Variants in NTM observed in about 807,000 individuals in gnomAD.
The protein encoded by NTM is neurotrimin, also known as IgLON family member 2.
NTM carries 13 observed loss-of-function variants against 42.1 expected under a neutral mutation model. The ratio of observed to expected loss-of-function variants is 0.31; its 90% CI spans 0.20 to 0.49. The LOEUF (loss-of-function observed/expected upper bound fraction) is 0.49. Ranked by LOEUF, NTM falls within the 20% of genes least tolerant of loss-of-function variation. The pLI, the probability that NTM is intolerant of heterozygous loss-of-function variation, is 0.99. For synonymous variants in NTM, 187 were observed against 179.2 expected, an observed-to-expected ratio of 1.04 and a Z score of -0.35; for missense variants, 373 against 452.8, an observed-to-expected ratio of 0.82 and a Z score of 1.60.
At chr11:131,424,376 A>G (rs1194760627) in intron 1 of NTM, among the ~76,000 whole-genome samples, 1 of 152,014 alleles carries the variant, frequency 6.6e-6, no homozygotes, top group Non-Finnish European at 1.5e-5. Context: ...TCTGTACTGC[A>G]AAGTCTGTGC....
intron 1 of NTM, among the ~76,000 whole-genome samples, chr11:131,875,712 G>A (rs1382234098): frequency 6.6e-6 from 1 of 152,196 alleles, no homozygotes; most frequent in East Asian, 1.9e-4. Context: ...TGGTAATGAC[G>A]ACATTGAAAA....
At chr11:132,099,051 C>G (rs1412480449) in intron 2 of NTM, among the ~76,000 whole-genome samples, 1 of 152,242 alleles carries the variant, frequency 6.6e-6, no homozygotes, top group Non-Finnish European at 1.5e-5. Context: ...CCTGCAGAAG[C>G]CGCTGCTTAT....
At chr11:131,696,629 G>T (rs1196922520) in intron 1 of NTM, among the ~76,000 whole-genome samples, 3 of 152,196 alleles carry the variant, frequency 2.0e-5, no homozygotes, top group African/African-American at 7.2e-5. Flanking sequence ...GATAAATGTG[G>T]ATGATACTGC....
intron 1 of NTM, among the ~76,000 whole-genome samples, chr11:131,766,208 C>A (rs1459266219): frequency 6.6e-6 from 1 of 152,114 alleles, no homozygotes; most frequent in Non-Finnish European, 1.5e-5. Flanking sequence ...TCCATATATG[C>A]CCTTTGGGTT....
At chr11:131,446,837 A>T (rs919171034) in intron 1 of NTM, among the ~76,000 whole-genome samples, 2 of 152,234 alleles carry the variant, frequency 1.3e-5, no homozygotes, top group Non-Finnish European at 2.9e-5. Context: ...CCTTACTGCT[A>T]TCTAGAGTAT....
At chr11:132,250,292 G>A (rs1017101991) in intron 4 of NTM, among the ~76,000 whole-genome samples, 1 of 151,990 alleles carries the variant, frequency 6.6e-6, no homozygotes, top group Admixed American at 6.5e-5. Context: ...AACAACCCCT[G>A]TTGCTTTTAA....
chr11:131,849,674 C>T (rs563940038), intron 1 of NTM, among the ~76,000 whole-genome samples: 6 of 151,962 alleles, frequency 3.9e-5, no homozygotes, highest in African/African-American at 1.4e-4. Flanking sequence ...GACATTGACC[C>T]TTCCTGGAAA....
chr11:131,985,461 C>T (rs1246635612), intron 2 of NTM, among the ~76,000 whole-genome samples: 1 of 152,166 alleles, frequency 6.6e-6, no homozygotes, highest in South Asian at 2.1e-4. Context: ...GGAGTAACAA[C>T]AGCTCTCCAT....
intron 1 of NTM, among the ~76,000 whole-genome samples, chr11:131,608,623 C>T (rs888574048): frequency 2.9e-5 from 3 of 103,130 alleles, no homozygotes; most frequent in Non-Finnish European, 6.8e-5. Flanking sequence ...CTAGGCCTTG[C>T]TCCTGGGAAC....
rs576446218 is a variant in NTM, at chr11:132,120,623, T to C, written c.168-25659T>C. Reference sequence around the variant, plus strand: ...ACATTGGATAAATCATCTATGTTGCTGGCTCCTTTCTTTCTTCATCTGGTA... The same window carrying C: ...ACATTGGATAAATCATCTATGTTGCCGGCTCCTTTCTTTCTTCATCTGGTA... On this transcript the variant is annotated intron_variant, in intron 2 of 8. Transcript: ENST00000683400. Among the ~76,000 whole-genome samples the C allele has an allele frequency of 5.9e-5, 9 of 152,370 alleles. No homozygotes were observed. The East Asian group carries it at 1.7e-3, about 29-fold the overall frequency.
At chr11:132,036,685 A>G (rs555902110) in intron 2 of NTM, among the ~76,000 whole-genome samples, 38 of 152,276 alleles carry the variant, frequency 2.5e-4, no homozygotes, top group African/African-American at 8.2e-4. Context: ...TTTTAATAGC[A>G]CAAGTACTGG....
chr11:132,268,670 C>CTGTGTGTGTGTGTGTGTGTG (rs780327988), intron 4 of NTM, among the ~76,000 whole-genome samples: 3 of 146,318 alleles, frequency 2.1e-5, no homozygotes, highest in Admixed American at 6.9e-5. Context: ...CTCTCTCTCT[C>CTGTGTGTGTGTGTGTGTGTG]TGTGTGTGTG....
At chr11:132,141,161 A>G (rs2069036044) in intron 2 of NTM, 1 of 152,124 alleles carries the variant, frequency 6.6e-6, no homozygotes, top group Non-Finnish European at 1.5e-5. Context: ...CATCTTTAGA[A>G]GATTCCAAGC....
intron 1 of NTM, among the ~76,000 whole-genome samples, chr11:131,555,160 TCAAAAA>T (rs2055235749): frequency 1.3e-5 from 2 of 152,076 alleles, no homozygotes; most frequent in Admixed American, 1.3e-4. Context: ...AGACCCAGTC[TCAAAAA>T]CAAAAACCAA....
chr11:132,088,475 G>T (rs984491163), intron 2 of NTM, among the ~76,000 whole-genome samples: 6 of 152,168 alleles, frequency 3.9e-5, no homozygotes, highest in African/African-American at 1.2e-4. Context: ...GAAAGGTGAG[G>T]AGGGCAGAAT....
chr11:132,179,027 T>C (rs1348343201), intron 3 of NTM, among the ~76,000 whole-genome samples: 3 of 152,192 alleles, frequency 2.0e-5, no homozygotes, highest in African/African-American at 7.2e-5. Context: ...CGTTCATTTA[T>C]TGAGTACCTG....
At chr11:131,873,690 TACACAC>T (rs1188237632) in intron 1 of NTM, among the ~76,000 whole-genome samples, 4 of 127,396 alleles carry the variant, frequency 3.1e-5, no homozygotes, top group Non-Finnish European at 6.0e-5. Flanking sequence ...CACATATATA[TACACAC>T]ATATATATAT....
chr11:132,015,908 T>A (rs1041687439), intron 2 of NTM, among the ~76,000 whole-genome samples: 2 of 151,984 alleles, frequency 1.3e-5, no homozygotes, highest in African/African-American at 4.8e-5. Context: ...ATGCCTTTTA[T>A]TTCTTTCTCT....
intron 3 of NTM, among the ~76,000 whole-genome samples, chr11:132,184,626 G>A (rs2078111671): frequency 6.6e-6 from 1 of 152,070 alleles, no homozygotes; most frequent in African/African-American, 2.4e-5. Context: ...TTCCCTCAAT[G>A]GTTCAGACCT....
Sources: allele counts gnomAD v4.1 joint callset (sites outside exome capture counted in the v4.1 genomes callset), GRCh38; gene constraint gnomAD v4.1.1; transcripts MANE v1.5; gene names NCBI Gene and HGNC (gene_info 2026-07-23, HGNC 2026-07-21).